CFAP299: variants seen among roughly 807,000 people sequenced by gnomAD.
CFAP299 encodes cilia- and flagella-associated protein 299.
CFAP299 carries 21 observed loss-of-function variants against 27.0 expected under a neutral mutation model. That is an observed-to-expected ratio of 0.78 (90% CI 0.55 to 1.12). The LOEUF (loss-of-function observed/expected upper bound fraction) is 1.12, where lower values mean the gene tolerates loss of function less well. CFAP299 is among the 50% of genes most tolerant of loss of function. The pLI, the probability that CFAP299 is intolerant of heterozygous loss-of-function variation, is 0.00. For missense variants in CFAP299, 310 were observed against 276.6 expected, an observed-to-expected ratio of 1.12 and a Z score of -0.86; for synonymous variants, 104 against 98.1, an observed-to-expected ratio of 1.06 and a Z score of -0.36.
chr4:80,476,642 G>A (rs1488265216), intron 2 of CFAP299, among the ~76,000 whole-genome samples: 1 of 152,078 alleles, frequency 6.6e-6, no homozygotes, highest in African/African-American at 2.4e-5. Flanking sequence ...GGGTCTAAAT[G>A]GGTCCCCATG....
At chr4:80,711,727 T>C (rs148844735) in intron 3 of CFAP299, among the ~76,000 whole-genome samples, 7 of 152,132 alleles carry the variant, frequency 4.6e-5, no homozygotes, top group Non-Finnish European at 8.8e-5. Flanking sequence ...TTAAAAAAAG[T>C]ATTTAGCTAT....
At chr4:80,563,741 A>C (rs1735151230) in intron 2 of CFAP299, among the ~76,000 whole-genome samples, 1 of 152,096 alleles carries the variant, frequency 6.6e-6, no homozygotes, top group African/African-American at 2.4e-5. Flanking sequence ...AACAACACAA[A>C]ATATCAATGA....
At chr4:80,658,277 G>A (rs2109978100) in intron 3 of CFAP299, among the ~76,000 whole-genome samples, 1 of 152,224 alleles carries the variant, frequency 6.6e-6, no homozygotes, top group South Asian at 2.1e-4. Flanking sequence ...TGTTGAATAG[G>A]GGTGGTGAGA....
At chr4:80,847,655 C>T (rs1486379682) in intron 3 of CFAP299, among the ~76,000 whole-genome samples, 2 of 152,180 alleles carry the variant, frequency 1.3e-5, no homozygotes, top group African/African-American at 4.8e-5. Context: ...GTTTTCTCAT[C>T]TGTGAAACAG....
In CFAP299 at chr4:80,389,688, C is replaced by A. The variant is rs573154757; in HGVS notation, c.242+26804C>A. ...CATATTCTGATACCACATTGGCTAA[C>A]CGAGTTCATTACTTTGTGCCTTTAT... On this transcript the variant is annotated intron_variant, in intron 2 of 5. Transcript: ENST00000358105. Among the ~76,000 whole-genome samples the A allele has an allele frequency of 5.5e-4, 83 of 152,252 alleles. 1 individual carries two copies. Among genetic ancestry groups the A allele is most frequent in the African/African-American group, 1.9e-3 (80 of 41,568 alleles).
chr4:80,689,357 T>C lies in CFAP299; in HGVS notation c.333+106174T>C, dbSNP rs556403441. Among the ~76,000 whole-genome samples, 85 of 152,306 alleles carry C rather than the reference T, an allele frequency of 5.6e-4. 1 individual carries two copies. The highest frequency in any genetic ancestry group is 1.9e-3 in the African/African-American group (78 of 41,560). ...ACAGCGGATCTCTCGGCAGAAACTC[T>C]ACAAGCCAGAACAGAGTGGGGGCCA... On this transcript the variant is annotated intron_variant, in intron 3 of 5. Transcript: ENST00000358105.
At chr4:80,491,280 T>G (rs1453953786) in intron 2 of CFAP299, among the ~76,000 whole-genome samples, 1 of 152,198 alleles carries the variant, frequency 6.6e-6, no homozygotes, top group African/African-American at 2.4e-5. Flanking sequence ...AGATTTTCTA[T>G]AAGTTTTAAA....
chr4:80,581,043 A>G (rs1283760911), intron 2 of CFAP299, among the ~76,000 whole-genome samples: 2 of 151,890 alleles, frequency 1.3e-5, no homozygotes, highest in African/African-American at 4.8e-5. Context: ...GATTTGGGCC[A>G]TTGGTTACTA....
At chr4:80,408,915 G>C (rs530292416) in intron 2 of CFAP299, among the ~76,000 whole-genome samples, 1 of 151,532 alleles carries the variant, frequency 6.6e-6, no homozygotes, top group Admixed American at 6.6e-5. Context: ...AAATGGTTAA[G>C]TGGTATCTTG....
At chr4:80,448,724 T>G (rs1728757600) in intron 2 of CFAP299, among the ~76,000 whole-genome samples, 1 of 152,062 alleles carries the variant, frequency 6.6e-6, no homozygotes, top group Non-Finnish European at 1.5e-5. Flanking sequence ...AAACCACATC[T>G]CTGAACTCAA....
chr4:80,541,750 G>C (rs1463851185), intron 2 of CFAP299, among the ~76,000 whole-genome samples: 1 of 152,056 alleles, frequency 6.6e-6, no homozygotes, highest in African/African-American at 2.4e-5. Flanking sequence ...GAGGAGAATA[G>C]ACATTTAATA....
At chr4:80,439,023 A>C (rs2110084847) in intron 2 of CFAP299, among the ~76,000 whole-genome samples, 1 of 152,286 alleles carries the variant, frequency 6.6e-6, no homozygotes, top group South Asian at 2.1e-4. Context: ...AAATTTTGTG[A>C]TTTACTAGTA....
At position 80,651,550 on chromosome 4, in the gene CFAP299, A is replaced by G. The variant is rs556014118; in HGVS notation, c.333+68367A>G. On this transcript the variant is annotated intron_variant, in intron 3 of 5. Coordinates refer to ENST00000358105, the MANE Select transcript of CFAP299 (RefSeq NM_152770.3). The stretch of plus-strand genomic sequence containing the variant: ...CTAGCTAATTTTTTGAATTTTGTAG[A>G]GATAGGGTCTCTCTCTGTTGCCCAG... Among the ~76,000 whole-genome samples the G allele has an allele frequency of 9.2e-5, 14 of 151,788 alleles. No homozygotes were observed. In the East Asian group the frequency reaches 2.7e-3, roughly 29 times the overall value.
At chr4:80,714,710 C>T (rs1022503818) in intron 3 of CFAP299, among the ~76,000 whole-genome samples, 5 of 151,916 alleles carry the variant, frequency 3.3e-5, no homozygotes, top group African/African-American at 1.2e-4. Flanking sequence ...TACCTTGCTA[C>T]GTGCTCTTTC....
intron 2 of CFAP299, among the ~76,000 whole-genome samples, chr4:80,444,650 A>T (rs931739645): frequency 9.9e-5 from 15 of 152,226 alleles, no homozygotes; most frequent in African/African-American, 3.4e-4. Flanking sequence ...CACCAAAAGT[A>T]ATTGCAACAA....
At chr4:80,881,804 T>C (rs1360686820) in intron 4 of CFAP299, among the ~76,000 whole-genome samples, 1 of 152,166 alleles carries the variant, frequency 6.6e-6, no homozygotes, top group Non-Finnish European at 1.5e-5. Context: ...ATAATCATCT[T>C]AAAGGTGCTC....
At chr4:80,866,737 CA>C (rs1266674233) in intron 3 of CFAP299, among the ~76,000 whole-genome samples, 2 of 151,924 alleles carry the variant, frequency 1.3e-5, no homozygotes, top group African/African-American at 4.8e-5. Context: ...CAAGAATTCA[CA>C]AAAATCACAG....
chr4:80,464,641 G>C (rs1246302839), intron 2 of CFAP299, among the ~76,000 whole-genome samples: 3 of 152,076 alleles, frequency 2.0e-5, no homozygotes, highest in Non-Finnish European at 4.4e-5. Context: ...GCCATTTGTA[G>C]ATAAAGTTAG....
intron 3 of CFAP299, among the ~76,000 whole-genome samples, chr4:80,804,899 G>A (rs1055860824): frequency 6.6e-6 from 1 of 152,140 alleles, no homozygotes; most frequent in African/African-American, 2.4e-5. Context: ...AGAGACTGGT[G>A]TCATTTTGTT....
Sources: gnomAD v4.1 joint callset for allele counts (sites outside exome capture counted in the v4.1 genomes callset) on GRCh38, gnomAD v4.1.1 for gene constraint, MANE v1.5 for transcripts, NCBI Gene and HGNC (gene_info 2026-07-23, HGNC 2026-07-21) for gene names.